The following NFIX variants were observed in gnomAD, a reference collection of about 807,000 sequenced individuals.
NFIX encodes nuclear factor 1 X-type.
A neutral mutation model predicts 53.3 loss-of-function variants in NFIX; 2 were observed. The observed-to-expected ratio is 0.04, with a 90% confidence interval of 0.02 to 0.12. NFIX has a LOEUF of 0.12. Ranked by LOEUF, NFIX falls within the 10% of genes least tolerant of loss-of-function variation. NFIX has a pLI of 1.00. For missense variants in NFIX, 310 were observed against 674.5 expected (o/e 0.46, Z 5.99); for synonymous variants, 244 against 289.0 (o/e 0.84, Z 1.58).
chr19:13,026,724 TTCTCTC>T (rs34744744), intron 2 of NFIX, among the ~76,000 whole-genome samples: 1 of 145,938 alleles, frequency 6.9e-6, no homozygotes, highest in Non-Finnish European at 1.5e-5. Flanking sequence ...TACCAAACCT[TTCTCTC>T]TCTCTCTCTC....
chr19:13,092,008 G>A (rs1568335656), intron 10 of NFIX, among the ~76,000 whole-genome samples: 1 of 152,226 alleles, frequency 6.6e-6, no homozygotes, highest in East Asian at 1.9e-4. Flanking sequence ...CCCAGCGGGG[G>A]TCCAGGGCCC....
At position 13,088,251 on chromosome 19, in the gene NFIX, A is replaced by C; in HGVS notation, c.1402+115A>C. 7.9e-7 allele frequency: 1 copy of C among 1,271,070 alleles called. No homozygotes were observed. The highest frequency in any genetic ancestry group is 1.1e-6 in the Non-Finnish European group (1 of 936,168). 78.7% of individuals were successfully genotyped at this position (1,271,070 alleles called of 1,614,324 possible). ...CCCCACCACCAAAGCCCCCCAACCC[A>C]GAGCACCATGGACAAGAGCAGAGCC... On this transcript the variant is annotated intron_variant, in intron 9 of 10. Transcript: ENST00000592199. This position sits in a 1 kb window ranked among gnomAD's most constrained non-coding sequence, Gnocchi z 5.9.
chr19:12,999,947 G>A (rs2011617247), intron 1 of NFIX, among the ~76,000 whole-genome samples: 1 of 152,234 alleles, frequency 6.6e-6, no homozygotes, highest in African/African-American at 2.4e-5. Flanking sequence ...GGTGTGGGCC[G>A]GGATGGGGTA....
chr19:13,008,354 C>G (rs1380070632), intron 1 of NFIX, among the ~76,000 whole-genome samples: 1 of 152,204 alleles, frequency 6.6e-6, no homozygotes, highest in Non-Finnish European at 1.5e-5. Context: ...AAAGTGGGCT[C>G]TGAGCACAGG....
chr19:13,095,556 C>T lies in NFIX; in HGVS notation c.*907C>T, dbSNP rs1308864307. On this transcript the variant is annotated 3_prime_UTR_variant, in exon 11 of 11. Coordinates refer to ENST00000592199, the MANE Select transcript of NFIX (RefSeq NM_001365902.3). ...AGTCGGGCCCCAGGTCGCCCCCGCC[C>T]CCAGCCCTGCATGCAGGTGCCCTCG... 1 of 152,390 alleles carries T rather than the reference C, an allele frequency of 6.6e-6. No homozygotes were observed. The highest frequency in any genetic ancestry group is 1.9e-4 in the East Asian group (1 of 5,160). 9.4% of individuals were successfully genotyped at this position (152,390 alleles called of 1,614,324 possible). A position where few individuals can be genotyped will look rare whatever the true frequency, so the allele number is the denominator to read the frequency against.
rs926750345 is a variant in NFIX at position 13,021,583 on chromosome 19, G to A, written c.28-3438G>A. On this transcript the variant is annotated intron_variant, in intron 1 of 10. Coordinates refer to ENST00000592199, the MANE Select transcript of NFIX (RefSeq NM_001365902.3). This position sits in a 1 kb window ranked among gnomAD's most constrained non-coding sequence, Gnocchi z 4.2. Reference sequence around the variant, plus strand: ...GGACTGAGCCTCGCTGAGGGAGAGGGCGGCTGTAGGGATGGGGTTCTGAGT... The same window carrying A: ...GGACTGAGCCTCGCTGAGGGAGAGGACGGCTGTAGGGATGGGGTTCTGAGT... Among the ~76,000 whole-genome samples the A allele has an allele frequency of 2.6e-5, 4 of 152,222 alleles. No homozygotes were observed. Among genetic ancestry groups the A allele is most frequent in the African/African-American group, 9.7e-5 (4 of 41,448 alleles).
intron 1 of NFIX, chr19:13,023,945 C>A: frequency 1.6e-6 from 1 of 625,446 alleles, no homozygotes; most frequent in Non-Finnish European, 2.7e-6. Flanking sequence ...CCTCCTCCCC[C>A]CTCCCCCCAC....
rs2060939148 is a variant in NFIX, at chr19:13,072,794, A to C, written c.560-253A>C. On this transcript the variant is annotated intron_variant, in intron 2 of 10. Transcript: ENST00000592199. The surrounding 1 kb of genome is among the most constrained non-coding windows in gnomAD (Gnocchi z 4.0). Reference sequence around the variant, plus strand: ...CCCCACAGTGCACAGGATGGTCCCCACCAGAGAGAGCAATCCAGGCCAAAT... The same window carrying C: ...CCCCACAGTGCACAGGATGGTCCCCCCCAGAGAGAGCAATCCAGGCCAAAT... Among the ~76,000 whole-genome samples the C allele has an allele frequency of 6.6e-6, 1 of 152,202 alleles. No homozygotes were observed. The highest frequency in any genetic ancestry group is 1.5e-5 in the Non-Finnish European group (1 of 68,026).
In NFIX at chr19:13,013,183, T is replaced by C. The variant is rs2012467484; in HGVS notation, c.28-11838T>C. Reference sequence around the variant, plus strand: ...GCGTCGAGGCCTCCCCACCCGTTGCTACCAGCCCTTTTGCAGCACTTCCTG... The same window carrying C: ...GCGTCGAGGCCTCCCCACCCGTTGCCACCAGCCCTTTTGCAGCACTTCCTG... On this transcript the variant is annotated intron_variant, in intron 1 of 10. Transcript: ENST00000592199. This position sits in a 1 kb window ranked among gnomAD's most constrained non-coding sequence, Gnocchi z 5.9. Among the ~76,000 whole-genome samples, 1 of 152,102 alleles carries C rather than the reference T, an allele frequency of 6.6e-6. No individual in the cohort carries two copies. The highest frequency in any genetic ancestry group is 1.5e-5 in the Non-Finnish European group (1 of 68,024).
At chr19:13,010,046 G>A (rs990697524) in intron 1 of NFIX, among the ~76,000 whole-genome samples, 2 of 152,182 alleles carry the variant, frequency 1.3e-5, no homozygotes, top group East Asian at 1.9e-4. Flanking sequence ...GGGGCCCTCC[G>A]AGGTCCAGGG....
rs1163803746 is a variant in NFIX at position 13,005,776 on chromosome 19, G to A, written c.27+9912G>A. 6.6e-6 allele frequency among the ~76,000 whole-genome samples: 1 copy of A among 152,112 alleles called. No individual in the cohort carries two copies. The highest frequency in any genetic ancestry group is 1.9e-4 in the East Asian group (1 of 5,190). ...CCCCCATTTGAAACGTGCCCTAGTG[G>A]TTGGCCCTTGAACCTTTCTTACCAC... is the stretch of plus-strand genomic sequence containing the variant. On this transcript the variant is annotated intron_variant, in intron 1 of 10. Transcript: ENST00000592199. The surrounding 1 kb of genome is among the most constrained non-coding windows in gnomAD (Gnocchi z 4.7).
intron 8 of NFIX, among the ~76,000 whole-genome samples, chr19:13,087,774 C>CAA (rs1157966190): frequency 0.059 from 1,543 of 26,114 alleles, 120 homozygotes; most frequent in African/African-American, 0.14. Context: ...AAAAGAGGAC[C>CAA]AAAAAAAAAA....
At chr19:13,074,836 G>C (rs1004230899) in intron 5 of NFIX, among the ~76,000 whole-genome samples, 4 of 151,810 alleles carry the variant, frequency 2.6e-5, no homozygotes, top group Non-Finnish European at 5.9e-5. Context: ...TTGGGAGGCC[G>C]AGATGGGCGG....
intron 1 of NFIX, 31 bp downstream of exon 1, chr19:12,995,895 G>C (rs1162916930): frequency 1.0e-6 from 1 of 973,120 alleles, no homozygotes; most frequent in South Asian, 4.6e-5. Flanking sequence ...GCGACCGGGG[G>C]AGGGGAGCGG....
At chr19:13,064,056 G>T (rs891938617) in intron 2 of NFIX, among the ~76,000 whole-genome samples, 3 of 115,390 alleles carry the variant, frequency 2.6e-5, no homozygotes, top group African/African-American at 7.1e-5. Flanking sequence ...AGCTCTGCAG[G>T]CCCCTTGCTG....
intron 1 of NFIX, among the ~76,000 whole-genome samples, chr19:13,004,137 G>T (rs947257122): frequency 6.6e-6 from 1 of 152,022 alleles, no homozygotes; most frequent in African/African-American, 2.4e-5. Context: ...CCAGGATGCT[G>T]CTCAGTCCCC....
At position 13,067,796 on chromosome 19, in the gene NFIX, A is replaced by AATAT. The variant is rs3046161; in HGVS notation, c.560-5238_560-5235dup. Among the ~76,000 whole-genome samples the AATAT allele has an allele frequency of 7.0e-4, 105 of 150,620 alleles. No individual in the cohort carries two copies. Among genetic ancestry groups the AATAT allele is most frequent in the African/African-American group, 2.5e-3 (104 of 41,102 alleles). On this transcript the variant is annotated intron_variant, in intron 2 of 10. Transcript: ENST00000592199. This position sits in a 1 kb window ranked among gnomAD's most constrained non-coding sequence, Gnocchi z 4.2. Reference sequence around the variant, plus strand: ...ACTACCTCCCCATCTGTAGGTGGAAAATATATATATATATATTAAAAACAT... The same window carrying AATAT: ...ACTACCTCCCCATCTGTAGGTGGAAAATATATATATATATATATATTAAAAACAT...
intron 1 of NFIX, among the ~76,000 whole-genome samples, chr19:13,017,724 C>T (rs555924077): frequency 5.3e-5 from 8 of 152,366 alleles, no homozygotes; most frequent in African/African-American, 1.9e-4. Context: ...CCTTCTCTCT[C>T]GACTTCCAGA....
chr19:12,996,518 A>T lies in NFIX; in HGVS notation c.27+654A>T, dbSNP rs1022823756. On this transcript the variant is annotated intron_variant, in intron 1 of 10. Transcript: ENST00000592199. The surrounding 1 kb of genome is among the most constrained non-coding windows in gnomAD (Gnocchi z 5.2). ...CGGGGCTCCCAAATTTCGGAGGGGCAGGGGAGGGGAGAGGGGGGCGGGCGC... is the reference window on the plus strand; with the variant it reads ...CGGGGCTCCCAAATTTCGGAGGGGCTGGGGAGGGGAGAGGGGGGCGGGCGC... 4.3e-5 allele frequency among the ~76,000 whole-genome samples: 2 copies of T among 46,660 alleles called. No homozygotes were observed. The highest frequency in any genetic ancestry group is 1.6e-4 in the African/African-American group (2 of 12,224). 30.6% of individuals were successfully genotyped at this position (46,660 alleles called of 152,430 possible).
Sources: allele counts gnomAD v4.1 joint callset (sites outside exome capture counted in the v4.1 genomes callset), GRCh38; gene constraint gnomAD v4.1.1; non-coding constraint Gnocchi (gnomAD v3.1); transcripts MANE v1.5; gene names NCBI Gene and HGNC (gene_info 2026-07-23, HGNC 2026-07-21).